QKI: variants seen among roughly 807,000 people sequenced by gnomAD.
QKI encodes QKI, KH domain containing RNA binding, also known as KH domain-containing RNA-binding protein QKI.
A neutral mutation model predicts 39.0 loss-of-function variants in QKI; 10 were observed. The ratio of observed to expected loss-of-function variants is 0.26; its 90% CI spans 0.16 to 0.43. The LOEUF is 0.43. Ranked by LOEUF, QKI falls within the 20% of genes least tolerant of loss-of-function variation. The pLI is 1.00. For synonymous variants in QKI, 204 were observed against 155.4 expected, an observed-to-expected ratio of 1.31 and a Z score of -2.33; for missense variants, 218 against 428.0, an observed-to-expected ratio of 0.51 and a Z score of 4.33.
In QKI at chr6:163,566,119, TATTA is replaced by T. The variant is rs1337305209; in HGVS notation, c.935-598_935-595del. The T allele has an allele frequency of 4.0e-5, 57 of 1,442,316 alleles. No homozygotes were observed. In the East Asian group the frequency reaches 1.4e-3, roughly 35 times the overall value. 89.3% of individuals were successfully genotyped at this position (1,442,316 alleles called of 1,614,324 possible). On this transcript the variant is annotated intron_variant, in intron 6 of 7. Coordinates refer to ENST00000361752, the MANE Select transcript of QKI (RefSeq NM_006775.3). ...ACATAGATATAAAGTAAAATTATGTTATTAATTTGGTTTAGTCTGTAATATTACA... is the reference window on the plus strand; with the variant it reads ...ACATAGATATAAAGTAAAATTATGTTATTTGGTTTAGTCTGTAATATTACA...
chr6:163,541,334 T>C (rs901087509), intron 4 of QKI, among the ~76,000 whole-genome samples: 1 of 152,070 alleles, frequency 6.6e-6, no homozygotes, highest in African/African-American at 2.4e-5. Context: ...GATGGTAGTC[T>C]TTTTTAATCT....
chr6:163,555,270 A>G (rs1316281383), intron 4 of QKI, among the ~76,000 whole-genome samples: 2 of 152,190 alleles, frequency 1.3e-5, no homozygotes, highest in South Asian at 2.1e-4. Context: ...TATGGATACA[A>G]TTCATGATAA....
chr6:163,481,598 T>TG (rs1268960565), intron 3 of QKI, among the ~76,000 whole-genome samples: 3 of 152,368 alleles, frequency 2.0e-5, no homozygotes, highest in Admixed American at 2.0e-4. Flanking sequence ...TCTAATGCTT[T>TG]GGGGAAGTTA....
chr6:163,500,732 A>C (rs781471994), intron 3 of QKI, among the ~76,000 whole-genome samples: 5 of 152,178 alleles, frequency 3.3e-5, no homozygotes, highest in Non-Finnish European at 5.9e-5. Flanking sequence ...ATAGAGAAAA[A>C]ACCAACAAAT....
intron 6 of QKI, 46 bp downstream of exon 6, chr6:163,563,765 AT>A (rs1198942351): frequency 6.4e-7 from 1 of 1,554,614 alleles, no homozygotes. Context: ...CTTTATAAAT[AT>A]TTTTGCTCCC....
intron 3 of QKI, among the ~76,000 whole-genome samples, chr6:163,499,131 C>T (rs558452202): frequency 1.3e-5 from 2 of 151,984 alleles, no homozygotes; most frequent in African/African-American, 2.4e-5. Flanking sequence ...CATTTTGAAG[C>T]GTTTTGTTTT....
intron 2 of QKI, among the ~76,000 whole-genome samples, chr6:163,465,101 G>T (rs992650914): frequency 7.2e-5 from 11 of 152,060 alleles, no homozygotes; most frequent in African/African-American, 2.7e-4. Context: ...CATCTTAAAA[G>T]ATGCAAAAAA....
At chr6:163,541,192 G>GT (rs1781485798) in intron 4 of QKI, among the ~76,000 whole-genome samples, 1 of 151,848 alleles carries the variant, frequency 6.6e-6, no homozygotes, top group African/African-American at 2.4e-5. Flanking sequence ...CAGTGCAAAA[G>GT]TTTTTTCCAA....
intron 3 of QKI, among the ~76,000 whole-genome samples, chr6:163,533,472 G>A (rs964644848): frequency 1.5e-4 from 23 of 152,126 alleles, no homozygotes; most frequent in Admixed American, 1.3e-4. Context: ...AATAGCATTT[G>A]TATTTTCTTG....
intron 1 of QKI, among the ~76,000 whole-genome samples, chr6:163,431,406 C>T (rs1788820450): frequency 6.6e-6 from 1 of 152,016 alleles, no homozygotes; most frequent in Admixed American, 6.5e-5. Context: ...ACATAGAATC[C>T]TGCCAGCTTA....
chr6:163,517,639 C>T (rs1054368888), intron 3 of QKI, among the ~76,000 whole-genome samples: 2 of 152,014 alleles, frequency 1.3e-5, no homozygotes, highest in African/African-American at 2.4e-5. Flanking sequence ...ACTAAATGGC[C>T]ACTGTTTTCC....
intron 2 of QKI, 53 bp from the exon 3 acceptor site, chr6:163,478,727 T>A: frequency 8.6e-7 from 1 of 1,168,740 alleles, no homozygotes. Flanking sequence ...TTTTAAGAGC[T>A]GTAAGTTCCA....
intron 4 of QKI, among the ~76,000 whole-genome samples, chr6:163,552,316 C>T (rs1782283056): frequency 6.9e-6 from 1 of 144,258 alleles, no homozygotes; most frequent in South Asian, 2.2e-4. Context: ...TCATGCCATT[C>T]TCCTGCCTCA....
intron 1 of QKI, among the ~76,000 whole-genome samples, chr6:163,421,844 A>G (rs1788016570): frequency 6.6e-6 from 1 of 151,610 alleles, no homozygotes; most frequent in Non-Finnish European, 1.5e-5. Flanking sequence ...TCCTGGGTTC[A>G]AACAGTTCTC....
chr6:163,421,776 G>C (rs959267459), intron 1 of QKI, among the ~76,000 whole-genome samples: 3 of 148,078 alleles, frequency 2.0e-5, no homozygotes, highest in African/African-American at 7.5e-5. Context: ...TTGGAGTCTC[G>C]CTCTGTCACC....
chr6:163,455,220 T>C, intron 1 of QKI, 59 bp from the exon 2 acceptor site: 1 of 1,445,684 alleles, frequency 6.9e-7, no homozygotes, highest in Non-Finnish European at 9.4e-7. Flanking sequence ...TCTTTTTTCC[T>C]CTGGACTAGC....
chr6:163,506,605 T>G (rs1166295118), intron 3 of QKI, among the ~76,000 whole-genome samples: 1 of 152,192 alleles, frequency 6.6e-6, no homozygotes, highest in Non-Finnish European at 1.5e-5. Context: ...TTCCTACTCC[T>G]TTGATCCTAT....
intron 3 of QKI, among the ~76,000 whole-genome samples, chr6:163,520,455 G>C (rs1676958445): frequency 6.6e-6 from 1 of 152,074 alleles, no homozygotes. Context: ...AATTATAAAT[G>C]TCGGTTGCAT....
At chr6:163,417,470 A>G (rs1401289497) in intron 1 of QKI, among the ~76,000 whole-genome samples, 2 of 152,214 alleles carry the variant, frequency 1.3e-5, no homozygotes, top group Admixed American at 1.3e-4. Flanking sequence ...TAGTTTTAAA[A>G]GGCTTCTTGT....
Sources: allele counts gnomAD v4.1 joint callset (sites outside exome capture counted in the v4.1 genomes callset), GRCh38; gene constraint gnomAD v4.1.1; transcripts MANE v1.5; gene names NCBI Gene and HGNC (gene_info 2026-07-23, HGNC 2026-07-21).